The following PCDHGA1 variants were observed in gnomAD, a reference collection of about 807,000 sequenced individuals.
PCDHGA1 encodes protocadherin gamma-A1.
In PCDHGA1, 32 loss-of-function variants were observed where a neutral mutation model predicts 58.0. The observed-to-expected ratio is 0.55, with a 90% CI of 0.42 to 0.74. PCDHGA1 has a LOEUF of 0.74. PCDHGA1 is among the 30% of genes least tolerant of loss of function. PCDHGA1 has a pLI of 0.00. For synonymous variants in PCDHGA1, 498 were observed against 501.1 expected (o/e 0.99, Z 0.08); for missense variants, 1,205 against 1,182.3 (o/e 1.02, Z -0.28).
chr5:141,366,741 G>A lies in PCDHGA1; in HGVS notation c.2421+33636G>A, dbSNP rs772947820. 7.4e-6 allele frequency: 12 copies of A among 1,611,708 alleles called. No homozygotes were observed. The highest frequency in any genetic ancestry group is 1.3e-5 in the African/African-American group (1 of 74,862). On this transcript the variant is annotated intron_variant, in intron 1 of 3. Coordinates refer to ENST00000517417, the MANE Select transcript of PCDHGA1 (RefSeq NM_018912.3). ...AAGGTAGATGCAAACAAAGAAGAAC[G>A]GCGAGTTCAGGTTAGTTTTCTCTTT...
chr5:141,383,143 G>A (rs371358932), intron 1 of PCDHGA1: 2 of 1,613,972 alleles, frequency 1.2e-6, no homozygotes, highest in Non-Finnish European at 8.5e-7. Context: ...CCAGCGCAGC[G>A]GCAGCTTGGT....
chr5:141,454,088 T>C (rs2154564493), intron 1 of PCDHGA1, among the ~76,000 whole-genome samples: 1 of 152,342 alleles, frequency 6.6e-6, no homozygotes. Context: ...CAGTGAAATT[T>C]GAATTGAACA....
intron 1 of PCDHGA1, chr5:141,361,045 A>G (rs1055845568): frequency 3.1e-6 from 5 of 1,613,552 alleles, no homozygotes; most frequent in Non-Finnish European, 3.4e-6. Context: ...AATCACGACA[A>G]AGGATGATTT....
chr5:141,511,695 C>T lies in PCDHGA1; in HGVS notation c.*522C>T, dbSNP rs1009832192. 1 of 195,662 alleles carries T rather than the reference C, an allele frequency of 5.1e-6. No individual in the cohort carries two copies. Among genetic ancestry groups the T allele is most frequent in the Non-Finnish European group, 1.1e-5 (1 of 92,626 alleles). The allele number at this position is 195,662 out of a possible 1,614,324, so 12.1% of individuals were successfully genotyped here. On this transcript the variant is annotated 3_prime_UTR_variant, in exon 4 of 4. Coordinates refer to ENST00000517417, the MANE Select transcript of PCDHGA1 (RefSeq NM_018912.3). ...CTTCCCCCAAAGCATGGTTTGGTGC[C>T]AGCCCCTTCACCTCCTTCCAGAGCC...
intron 1 of PCDHGA1, among the ~76,000 whole-genome samples, chr5:141,456,381 G>T (rs1296419395): frequency 6.6e-6 from 1 of 152,110 alleles, no homozygotes; most frequent in Admixed American, 6.6e-5. Context: ...TTACAGCACC[G>T]TTTGGAGTTT....
chr5:141,367,756 T>A (rs1485436627), intron 1 of PCDHGA1: 1 of 152,192 alleles, frequency 6.6e-6, no homozygotes, highest in Non-Finnish European at 1.5e-5. Flanking sequence ...TACATACTGC[T>A]GCACTCAATA....
chr5:141,466,992 A>ATTT (rs985433044), intron 1 of PCDHGA1, among the ~76,000 whole-genome samples: 1 of 148,706 alleles, frequency 6.7e-6, no homozygotes, highest in African/African-American at 2.5e-5. Flanking sequence ...ACCTTTTGGC[A>ATTT]TTTTTTTGCA....
chr5:141,399,491 T>A, intron 1 of PCDHGA1: 1 of 1,614,022 alleles, frequency 6.2e-7, no homozygotes, highest in African/African-American at 1.3e-5. Flanking sequence ...TCCTACTTAG[T>A]CAGTGTACCC....
At chr5:141,338,301 T>C (rs1233182467) in intron 1 of PCDHGA1, among the ~76,000 whole-genome samples, 1 of 152,204 alleles carries the variant, frequency 6.6e-6, no homozygotes, top group African/African-American at 2.4e-5. Flanking sequence ...CCCAATTAAG[T>C]GTCTGATGAT....
At chr5:141,361,165 G>A (rs764593303) in intron 1 of PCDHGA1, 7 of 1,613,830 alleles carry the variant, frequency 4.3e-6, no homozygotes, top group Non-Finnish European at 5.9e-6. Flanking sequence ...CAACGATTGT[G>A]CACCTGAAGT....
chr5:141,500,430 C>T (rs2099800127), intron 2 of PCDHGA1, among the ~76,000 whole-genome samples: 1 of 151,676 alleles, frequency 6.6e-6, no homozygotes, highest in African/African-American at 2.4e-5. Context: ...AGGATGGTCT[C>T]GATCTCCTGA....
At chr5:141,501,841 C>T (rs2099811330) in intron 2 of PCDHGA1, among the ~76,000 whole-genome samples, 1 of 152,130 alleles carries the variant, frequency 6.6e-6, no homozygotes, top group African/African-American at 2.4e-5. Flanking sequence ...CTGTTTGGCC[C>T]TCAACCTTCA....
At chr5:141,379,767 A>G (rs1366813038) in intron 1 of PCDHGA1, 3 of 152,120 alleles carry the variant, frequency 2.0e-5, no homozygotes, top group Non-Finnish European at 4.4e-5. Context: ...CCTGCAATAC[A>G]GATCATTAAT....
intron 1 of PCDHGA1, chr5:141,344,130 T>A (rs773448706): frequency 6.2e-7 from 1 of 1,614,060 alleles, no homozygotes; most frequent in South Asian, 1.1e-5. Flanking sequence ...TCAGATCCGC[T>A]ACTCGGTGTC....
At chr5:141,340,171 T>C in intron 1 of PCDHGA1, 1 of 1,614,150 alleles carries the variant, frequency 6.2e-7, no homozygotes, top group African/African-American at 1.3e-5. Context: ...CAGTAGACAA[T>C]TACTACCGAC....
rs1345849371 is a variant in PCDHGA1 at position 141,362,707 on chromosome 5, G to A, written c.2421+29602G>A. On this transcript the variant is annotated intron_variant, in intron 1 of 3. Coordinates refer to ENST00000517417, the MANE Select transcript of PCDHGA1 (RefSeq NM_018912.3). Reference sequence around the variant, plus strand: ...AATCTTATCTAACTGAATTTTAAGTGTTTTCTCTCTGAAGTGTGAGATTTA... The same window carrying A: ...AATCTTATCTAACTGAATTTTAAGTATTTTCTCTCTGAAGTGTGAGATTTA... The A allele has an allele frequency of 1.5e-5, 15 of 973,906 alleles. No individual in the cohort carries two copies. The South Asian group carries it at 2.3e-4, about 15-fold the overall frequency. The allele number at this position is 973,906 out of a possible 1,614,324, so 60.3% of individuals were successfully genotyped here.
chr5:141,497,084 G>A (rs1417389801), intron 2 of PCDHGA1, among the ~76,000 whole-genome samples: 1 of 152,098 alleles, frequency 6.6e-6, no homozygotes, highest in East Asian at 1.9e-4. Context: ...AGCGACTTAG[G>A]AGGCTGAGGC....
chr5:141,458,873 C>T (rs1278498446), intron 1 of PCDHGA1, among the ~76,000 whole-genome samples: 2 of 152,148 alleles, frequency 1.3e-5, no homozygotes, highest in African/African-American at 4.8e-5. Context: ...GCTGGGACTA[C>T]AGGCATGCAC....
At chr5:141,401,076 G>T (rs1589429931) in intron 1 of PCDHGA1, among the ~76,000 whole-genome samples, 1 of 152,174 alleles carries the variant, frequency 6.6e-6, no homozygotes, top group Non-Finnish European at 1.5e-5. Context: ...GGGTGCAGTG[G>T]CTCATGCCTG....
Sources: gnomAD v4.1 joint callset for allele counts (sites outside exome capture counted in the v4.1 genomes callset) on GRCh38, gnomAD v4.1.1 for gene constraint, MANE v1.5 for transcripts, NCBI Gene and HGNC (gene_info 2026-07-23, HGNC 2026-07-21) for gene names.